MYO1B: variants seen among roughly 807,000 people sequenced by gnomAD.
MYO1B encodes the protein unconventional myosin-Ib.
MYO1B carries 72 observed loss-of-function variants against 159.7 expected under a neutral mutation model. That is an observed-to-expected ratio of 0.45 (90% CI 0.37 to 0.55). MYO1B has a LOEUF of 0.55. MYO1B is among the 20% of genes least tolerant of loss of function. MYO1B has a pLI of 0.00. For synonymous variants in MYO1B, 468 were observed against 473.8 expected (o/e 0.99, Z 0.16); for missense variants, 1,062 against 1,364.8 (o/e 0.78, Z 3.50).
At chr2:191,338,711 C>T (rs534331452) in intron 4 of MYO1B, among the ~76,000 whole-genome samples, 7 of 152,302 alleles carry the variant, frequency 4.6e-5, no homozygotes, top group Admixed American at 1.3e-4. Context: ...TTTCAGAGGA[C>T]TCAATGTAGC....
At chr2:191,374,700 A>T (rs1246785119) in intron 13 of MYO1B, among the ~76,000 whole-genome samples, 1 of 152,356 alleles carries the variant, frequency 6.6e-6, no homozygotes. Flanking sequence ...GATACCAAAA[A>T]TAAGGTGAAG....
At chr2:191,383,832 A>G (rs1243481945) in intron 15 of MYO1B, among the ~76,000 whole-genome samples, 1 of 152,042 alleles carries the variant, frequency 6.6e-6, no homozygotes, top group Non-Finnish European at 1.5e-5. Context: ...TTGCCAAATC[A>G]AAATATCCAT....
chr2:191,345,641 G>C (rs539152689), intron 5 of MYO1B, among the ~76,000 whole-genome samples: 1 of 152,324 alleles, frequency 6.6e-6, no homozygotes, highest in East Asian at 1.9e-4. Flanking sequence ...GTTTCACCTA[G>C]GTCTGATGTG....
chr2:191,328,621 T>C (rs1329152208), intron 3 of MYO1B, among the ~76,000 whole-genome samples: 1 of 152,222 alleles, frequency 6.6e-6, no homozygotes, highest in Non-Finnish European at 1.5e-5. Context: ...TACTGTCTTA[T>C]CCATCCTGCA....
At chr2:191,372,673 T>C (rs1167318323) in intron 13 of MYO1B, among the ~76,000 whole-genome samples, 1 of 152,186 alleles carries the variant, frequency 6.6e-6, no homozygotes, top group East Asian at 1.9e-4. Context: ...CAGATGTTCC[T>C]GTGTAAACAT....
chr2:191,343,502 T>G (rs1197753494), intron 5 of MYO1B, among the ~76,000 whole-genome samples: 1 of 152,238 alleles, frequency 6.6e-6, no homozygotes, highest in Non-Finnish European at 1.5e-5. Context: ...AATCATCTAT[T>G]ATGCTGTTTT....
Position 191,424,102 on chromosome 2 carries a change from C to CA in MYO1B, c.*144dup, listed in dbSNP as rs1406587420. ...GGCAAAATAAAAATATTTGACTAAT[C>CA]AATTTTTATTATTGGAATAGTTTTA... On this transcript the variant is annotated 3_prime_UTR_variant, in exon 31 of 31. Transcript: ENST00000392318. The CA allele has an allele frequency of 3.1e-6, 3 of 957,712 alleles. No individual in the cohort carries two copies. The highest frequency in any genetic ancestry group is 3.1e-6 in the Non-Finnish European group (2 of 637,934). 59.3% of individuals were successfully genotyped at this position (957,712 alleles called of 1,614,324 possible). A position where few individuals can be genotyped will look rare whatever the true frequency, so the allele number is the denominator to read the frequency against.
intron 1 of MYO1B, among the ~76,000 whole-genome samples, chr2:191,268,785 T>G (rs1559128618): frequency 6.6e-6 from 1 of 152,206 alleles, no homozygotes; most frequent in Non-Finnish European, 1.5e-5. Context: ...GCCACCTGAC[T>G]GTGGTGTCTG....
At chr2:191,364,640 A>T (rs1305735913) in intron 11 of MYO1B, among the ~76,000 whole-genome samples, 1 of 152,240 alleles carries the variant, frequency 6.6e-6, no homozygotes, top group Non-Finnish European at 1.5e-5. Context: ...GAACAGTGGC[A>T]TGACTGCCTT....
intron 2 of MYO1B, among the ~76,000 whole-genome samples, chr2:191,284,087 G>A (rs1035171333): frequency 6.6e-6 from 1 of 152,180 alleles, no homozygotes; most frequent in African/African-American, 2.4e-5. Flanking sequence ...ATACTGGGAG[G>A]AAAGTATATT....
intron 1 of MYO1B, among the ~76,000 whole-genome samples, chr2:191,265,313 A>G (rs1266552567): frequency 1.3e-5 from 2 of 152,022 alleles, no homozygotes; most frequent in Non-Finnish European, 2.9e-5. Context: ...AGGAAACCCT[A>G]TGTGAGTGCC....
At chr2:191,289,096 A>G (rs774684775) in intron 2 of MYO1B, among the ~76,000 whole-genome samples, 2 of 152,194 alleles carry the variant, frequency 1.3e-5, no homozygotes, top group Non-Finnish European at 2.9e-5. Flanking sequence ...TTTTCCCTAT[A>G]ACTAGAAGAT....
chr2:191,385,840 T>C (rs980224683), intron 15 of MYO1B, 44 bp from the exon 16 acceptor site: 6 of 1,586,684 alleles, frequency 3.8e-6, no homozygotes, highest in Admixed American at 1.7e-5. Context: ...ATTAAAACAA[T>C]ATAGTGAGGA....
chr2:191,260,707 A>G (rs1686760125), intron 1 of MYO1B, among the ~76,000 whole-genome samples: 1 of 152,188 alleles, frequency 6.6e-6, no homozygotes, highest in Admixed American at 6.5e-5. Flanking sequence ...GTAATTTTAA[A>G]TTATGAAACT....
At chr2:191,324,043 A>G (rs1337281464) in intron 3 of MYO1B, among the ~76,000 whole-genome samples, 1 of 152,138 alleles carries the variant, frequency 6.6e-6, no homozygotes, top group Admixed American at 6.6e-5. Context: ...TTAGATGTAT[A>G]AAAATAAAAG....
rs184903222 is a variant in MYO1B, at chr2:191,287,399, G to A, written c.136-8712G>A. On this transcript the variant is annotated intron_variant, in intron 2 of 30. Transcript: ENST00000392318. The stretch of plus-strand genomic sequence containing the variant: ...AAAAAAATTAGCTTGGCGTGGTGGC[G>A]GGCACCTGTAATCCCAGCTACTCGG... Among the ~76,000 whole-genome samples the A allele has an allele frequency of 6.8e-4, 104 of 152,044 alleles. 1 individual carries two copies. The East Asian group carries it at 0.013, about 20-fold the overall frequency.
chr2:191,367,903 AG>A (rs1320650804), intron 11 of MYO1B, among the ~76,000 whole-genome samples: 11 of 152,244 alleles, frequency 7.2e-5, no homozygotes, highest in African/African-American at 2.7e-4. Flanking sequence ...ATTTTAAGAA[AG>A]CAAAAACTAG....
intron 27 of MYO1B, among the ~76,000 whole-genome samples, chr2:191,411,499 A>T (rs1213726928): frequency 6.6e-6 from 1 of 152,226 alleles, no homozygotes; most frequent in Non-Finnish European, 1.5e-5. Context: ...CCTTTTCCGT[A>T]GTTTTCAAAG....
At chr2:191,265,672 A>G (rs914775988) in intron 1 of MYO1B, among the ~76,000 whole-genome samples, 1 of 152,186 alleles carries the variant, frequency 6.6e-6, no homozygotes, top group African/African-American at 2.4e-5. Context: ...CAATCTAAAC[A>G]CATTGACTTC....
Sources: allele counts gnomAD v4.1 joint callset (sites outside exome capture counted in the v4.1 genomes callset), GRCh38; gene constraint gnomAD v4.1.1; transcripts MANE v1.5; gene names NCBI Gene and HGNC (gene_info 2026-07-23, HGNC 2026-07-21).